Variants in TMEFF2 observed in about 807,000 individuals in gnomAD.
TMEFF2 encodes tomoregulin-2.
TMEFF2 carries 28 observed loss-of-function variants against 53.8 expected under a neutral mutation model. The observed-to-expected ratio is 0.52, with a 90% CI of 0.39 to 0.71. The LOEUF (loss-of-function observed/expected upper bound fraction) is 0.71. TMEFF2 is among the 30% of genes least tolerant of loss of function. The pLI is 0.00. For synonymous variants in TMEFF2, 162 were observed against 166.3 expected (o/e 0.97, Z 0.20); for missense variants, 353 against 455.2 (o/e 0.78, Z 2.04).
intron 5 of TMEFF2, among the ~76,000 whole-genome samples, chr2:192,056,111 T>C (rs1687902616): frequency 6.6e-6 from 1 of 152,162 alleles, no homozygotes; most frequent in African/African-American, 2.4e-5. Context: ...TTGTCTTAAT[T>C]TTTTTTCTTC....
At chr2:192,188,632 G>T (rs1272347750) in intron 2 of TMEFF2, among the ~76,000 whole-genome samples, 1 of 152,080 alleles carries the variant, frequency 6.6e-6, no homozygotes, top group Non-Finnish European at 1.5e-5. Context: ...TAGATCTAAA[G>T]CACGACTTAT....
intron 4 of TMEFF2, among the ~76,000 whole-genome samples, chr2:192,132,482 TA>T (rs1289570977): frequency 6.6e-6 from 1 of 151,818 alleles, no homozygotes; most frequent in Admixed American, 6.6e-5. Context: ...TGACATTAAA[TA>T]AAACTCCAAA....
rs184103617 is a variant in TMEFF2 at position 192,176,709 on chromosome 2, A to G, written c.439+2959T>C. The stretch of plus-strand genomic sequence containing the variant: ...TATGTCCCTTTTATATTGCAGTAAA[A>G]ATGTTCTCTCAAATGCAGTAAATGA... On this transcript the variant is annotated intron_variant, in intron 4 of 9. Coordinates refer to ENST00000272771, the MANE Select transcript of TMEFF2 (RefSeq NM_016192.4). 2.0e-5 allele frequency: 3 copies of G among 151,306 alleles called. No homozygotes were observed. The East Asian group carries it at 5.8e-4, about 29-fold the overall frequency. 9.4% of individuals were successfully genotyped at this position (151,306 alleles called of 1,614,324 possible).
rs551708101 is a variant in TMEFF2 at position 192,041,969 on chromosome 2, G to A, written c.536+15710C>T. Reference sequence around the variant, plus strand: ...TCATGCCTGTAATCCCATGGGCTGGGGGAGGTGGATCACCTGAGGTCAGGA... The same window carrying A: ...TCATGCCTGTAATCCCATGGGCTGGAGGAGGTGGATCACCTGAGGTCAGGA... On this transcript the variant is annotated intron_variant, in intron 5 of 9. Coordinates refer to ENST00000272771, the MANE Select transcript of TMEFF2 (RefSeq NM_016192.4). Among the ~76,000 whole-genome samples, 7 of 152,232 alleles carry A rather than the reference G, an allele frequency of 4.6e-5. No individual in the cohort carries two copies. In the East Asian group the frequency reaches 5.8e-4, roughly 13 times the overall value.
intron 5 of TMEFF2, among the ~76,000 whole-genome samples, chr2:192,024,275 A>G (rs1337168700): frequency 1.3e-5 from 2 of 152,210 alleles, no homozygotes; most frequent in Non-Finnish European, 2.9e-5. Context: ...ATTTCAATTT[A>G]TATATAGCAT....
At chr2:192,102,371 C>T (rs745816082) in intron 4 of TMEFF2, among the ~76,000 whole-genome samples, 1 of 152,096 alleles carries the variant, frequency 6.6e-6, no homozygotes, top group Non-Finnish European at 1.5e-5. Context: ...GAATAAAACA[C>T]AAAGTCTTAA....
In TMEFF2 at chr2:192,075,308, T is replaced by TAAATATATATATATAAATATAA. The variant is rs1331065027; in HGVS notation, c.440-17534_440-17533insTTATATTTATATATATATATTT. ...TATTATATATATATATATATATATA[T>TAAATATATATATATAAATATAA]ATATATATATATATATATATATATA... On this transcript the variant is annotated intron_variant, in intron 4 of 9. Transcript: ENST00000272771. Among the ~76,000 whole-genome samples, 19 of 67,940 alleles carry TAAATATATATATATAAATATAA rather than the reference T, an allele frequency of 2.8e-4. No homozygotes were observed. The South Asian group carries it at 4.4e-3, about 16-fold the overall frequency. 44.6% of individuals were successfully genotyped at this position (67,940 alleles called of 152,430 possible).
chr2:192,041,435 G>C (rs752044611), intron 5 of TMEFF2, among the ~76,000 whole-genome samples: 1 of 152,118 alleles, frequency 6.6e-6, no homozygotes, highest in Non-Finnish European at 1.5e-5. Context: ...TACCAACTAG[G>C]ATAGTAATAA....
At position 191,949,747 on chromosome 2, in the gene TMEFF2, A is replaced by G; in HGVS notation, c.*564T>C. The G allele has an allele frequency of 1.0e-6, 1 of 985,394 alleles. No homozygotes were observed. The highest frequency in any genetic ancestry group is 1.2e-6 in the Non-Finnish European group (1 of 829,884). The allele number at this position is 985,394 out of a possible 1,614,324, so 61.0% of individuals were successfully genotyped here. A position where few individuals can be genotyped will look rare whatever the true frequency, so the allele number is the denominator to read the frequency against. Reference sequence around the variant, plus strand: ...TTTCTGCTCTAGGGATGAAAATGGAAGACCAGGGAAGAAAGTTGATGAAAT... The same window carrying G: ...TTTCTGCTCTAGGGATGAAAATGGAGGACCAGGGAAGAAAGTTGATGAAAT... On this transcript the variant is annotated 3_prime_UTR_variant, in exon 10 of 10. Coordinates refer to ENST00000272771, the MANE Select transcript of TMEFF2 (RefSeq NM_016192.4).
chr2:192,075,318 T>TAAATATAA (rs1559115196), intron 4 of TMEFF2, among the ~76,000 whole-genome samples: 2 of 85,636 alleles, frequency 2.3e-5, no homozygotes, highest in South Asian at 3.1e-4. Context: ...TATATATATA[T>TAAATATAA]ATATATATAT....
At chr2:192,148,694 A>G (rs995928448) in intron 4 of TMEFF2, among the ~76,000 whole-genome samples, 2 of 152,054 alleles carry the variant, frequency 1.3e-5, no homozygotes, top group Non-Finnish European at 2.9e-5. Flanking sequence ...ATTACACAGT[A>G]AAAGCATAGT....
chr2:191,965,939 C>T (rs1692457547), intron 7 of TMEFF2, among the ~76,000 whole-genome samples: 1 of 150,854 alleles, frequency 6.6e-6, no homozygotes, highest in African/African-American at 2.4e-5. Context: ...GTCTGTGTGA[C>T]ACGTTAGTTC....
intron 4 of TMEFF2, among the ~76,000 whole-genome samples, chr2:192,071,705 C>G (rs1688297342): frequency 6.6e-6 from 1 of 151,876 alleles, no homozygotes; most frequent in South Asian, 2.1e-4. Flanking sequence ...CTCTGTGCTA[C>G]TTATACTACT....
intron 7 of TMEFF2, among the ~76,000 whole-genome samples, chr2:191,966,119 A>G (rs1337823448): frequency 6.6e-6 from 1 of 152,216 alleles, no homozygotes; most frequent in East Asian, 1.9e-4. Flanking sequence ...AGTTTCCAGA[A>G]AATATACAAA....
chr2:192,069,663 T>A (rs1157027786), intron 4 of TMEFF2, among the ~76,000 whole-genome samples: 1 of 151,768 alleles, frequency 6.6e-6, no homozygotes, highest in African/African-American at 2.4e-5. Context: ...AATAAATATT[T>A]GTGGAAAAGA....
chr2:192,050,861 T>A (rs1040677212), intron 5 of TMEFF2, among the ~76,000 whole-genome samples: 5 of 152,220 alleles, frequency 3.3e-5, no homozygotes, highest in Non-Finnish European at 7.3e-5. Context: ...ACTTTCAGAT[T>A]TGGACACACC....
intron 5 of TMEFF2, among the ~76,000 whole-genome samples, chr2:192,019,960 C>T (rs1169795557): frequency 1.3e-5 from 2 of 152,022 alleles, no homozygotes; most frequent in East Asian, 1.9e-4. Context: ...AGAAATGTGT[C>T]TGAGCAGATA....
At chr2:191,993,148 A>G (rs1360351550) in intron 7 of TMEFF2, among the ~76,000 whole-genome samples, 3 of 152,088 alleles carry the variant, frequency 2.0e-5, no homozygotes, top group East Asian at 3.9e-4. Flanking sequence ...GTAAATTGCA[A>G]TGGCTTCTAC....
Position 192,192,803 on chromosome 2 carries a change from C to A in TMEFF2, c.173-814G>T, listed in dbSNP as rs74340477. 2.0e-3 allele frequency among the ~76,000 whole-genome samples: 311 copies of A among 152,250 alleles called. 1 individual carries two copies. Among genetic ancestry groups the A allele is most frequent in the African/African-American group, 7.2e-3 (298 of 41,546 alleles). On this transcript the variant is annotated intron_variant, in intron 1 of 9. Coordinates refer to ENST00000272771, the MANE Select transcript of TMEFF2 (RefSeq NM_016192.4). ...CATTTCCAAAAATTGTTTTTGCAGG[C>A]TCATAATTATTACCATAATAAAGCA...
Sources: gnomAD v4.1 joint callset for allele counts (sites outside exome capture counted in the v4.1 genomes callset) on GRCh38, gnomAD v4.1.1 for gene constraint, MANE v1.5 for transcripts, NCBI Gene and HGNC (gene_info 2026-07-23, HGNC 2026-07-21) for gene names.